Variants in MYH11 observed in about 807,000 individuals in gnomAD.
MYH11 encodes myosin-11.
A neutral mutation model predicts 246.6 loss-of-function variants in MYH11; 80 were observed. The observed-to-expected ratio is 0.32, with a 90% CI of 0.27 to 0.39. The LOEUF is 0.39. MYH11 is among the 10% of genes least tolerant of loss of function. The probability of loss-of-function intolerance (pLI) is 1.00; values close to 1 mark genes in which losing one functional copy is unlikely to be tolerated. For missense variants in MYH11, 2,158 were observed against 2,546.8 expected, an observed-to-expected ratio of 0.85 and a Z score of 3.29; for synonymous variants, 1,071 against 1,015.5, an observed-to-expected ratio of 1.05 and a Z score of -1.04.
At position 15,760,545 on chromosome 16, in the gene MYH11, C is replaced by A; in HGVS notation, c.1243G>T (p.Glu415Ter). 1 of 1,606,054 alleles carries A rather than the reference C, an allele frequency of 6.2e-7. No individual in the cohort carries two copies. The highest frequency in any genetic ancestry group is 8.5e-7 in the Non-Finnish European group (1 of 1,172,676). ...RDVVQKAQTK[E>*]QADFAVEALA... ...AGTGATAAGTACATCATTACCTGTT[C>A]TTTTGTCTGAGCTTTCTGTACCACA... Residue 415 changes from glutamate to a stop codon, truncating the protein, a stop_gained, in exon 11 of 41, where the codon GAA becomes TAA. Coordinates refer to ENST00000300036, the MANE Select transcript of MYH11 (RefSeq NM_002474.3). LOFTEE classifies it high-confidence loss of function.
At chr16:15,704,765 C>G (rs551255307) in intron 40 of MYH11, among the ~76,000 whole-genome samples, 10 of 152,272 alleles carry the variant, frequency 6.6e-5, no homozygotes, top group South Asian at 2.1e-4. Context: ...TTTTGCTGAT[C>G]GTGGAACATA....
chr16:15,813,485 T>C (rs1455139667), intron 3 of MYH11, among the ~76,000 whole-genome samples: 4 of 152,142 alleles, frequency 2.6e-5, no homozygotes, highest in Non-Finnish European at 5.9e-5. Flanking sequence ...GTCCACCTTG[T>C]AGGTTTGTGG....
intron 14 of MYH11, among the ~76,000 whole-genome samples, chr16:15,754,051 CAA>C (rs10706166): frequency 6.2e-4 from 82 of 132,752 alleles, no homozygotes; most frequent in African/African-American, 6.0e-4. Flanking sequence ...ACTAAAAATA[CAA>C]AAAAAAAAAA....
chr16:15,823,219 C>T (rs1320604986), intron 3 of MYH11, 36 bp downstream of exon 3: 4 of 1,613,188 alleles, frequency 2.5e-6, no homozygotes, highest in Non-Finnish European at 3.4e-6. Context: ...GAGGGGCTCC[C>T]TGGAGCTGGC....
Position 15,724,403 on chromosome 16 carries a change from C to T in MYH11, c.4123G>A (p.Asp1375Asn), listed in dbSNP as rs143467011. Residue 1375 changes from aspartate to asparagine, a missense_variant, in exon 31 of 41, where the codon GAC (aspartate) becomes AAC (asparagine). Around this residue, in one of 11 missense-constraint regions of MYH11, gnomAD observed 1,013 missense variants for 993.5 expected, o/e 1.02. Transcript: ENST00000300036. Reference protein sequence around the residue: ...HISTLNIQLSDSKKKLQDFAS... With the variant: ...HISTLNIQLSNSKKKLQDFAS... ...AAGTCCTGCAGCTTCTTCTTCGAGT[C>T]GGAGAGCTACAAGGACAGCGTCCAG... The T allele has an allele frequency of 1.9e-5, 30 of 1,613,670 alleles. No individual in the cohort carries two copies. The highest frequency in any genetic ancestry group is 4.5e-5 in the East Asian group (2 of 44,884).
intron 10 of MYH11, 55 bp downstream of exon 10, chr16:15,763,741 T>TGGGCCCCCCCCCCCCCCCCC: frequency 3.1e-6 from 2 of 646,862 alleles, no homozygotes; most frequent in Non-Finnish European, 5.8e-6. Flanking sequence ...AAATGTCACC[T>TGGGCCCCCCCCCCCCCCCCC]CCCCCACCCC....
chr16:15,814,421 C>T (rs762921423), intron 3 of MYH11, among the ~76,000 whole-genome samples: 7 of 151,304 alleles, frequency 4.6e-5, no homozygotes, highest in Non-Finnish European at 7.4e-5. Context: ...GGTGTGGTGG[C>T]GGATGCCTGT....
chr16:15,819,493 T>C (rs895178540), intron 3 of MYH11, among the ~76,000 whole-genome samples: 1 of 152,136 alleles, frequency 6.6e-6, no homozygotes, highest in African/African-American at 2.4e-5. Context: ...TAGACTCTTA[T>C]AGAACCACCA....
At chr16:15,737,377 C>T (rs745409502) in intron 25 of MYH11, 72 bp downstream of exon 25, 282 of 1,591,926 alleles carry the variant, frequency 1.8e-4, no homozygotes, top group Admixed American at 1.7e-4. Flanking sequence ...ACAGCCACTG[C>T]GAATGAGCGA....
chr16:15,748,505 C>T (rs1224194702), intron 16 of MYH11, among the ~76,000 whole-genome samples: 1 of 152,186 alleles, frequency 6.6e-6, no homozygotes, highest in African/African-American at 2.4e-5. Flanking sequence ...ATCTCCCAAC[C>T]CCCCCACTTC....
At chr16:15,742,238 T>G (rs1356442361) in intron 20 of MYH11, 3 of 407,994 alleles carry the variant, frequency 7.4e-6, no homozygotes, top group South Asian at 6.8e-5. Context: ...TTCCCCACTT[T>G]AGAACCATCC....
rs754951425 is a variant in MYH11, at chr16:15,724,748, G to A, written c.4015C>T (p.Arg1339Cys). ...RQKLNVSTKL[R>C]QLEEERNSLQ... The stretch of plus-strand genomic sequence containing the variant: ...CTGTTCCGCTCCTCCTCCAGCTGGC[G>A]CAGCTTCGTAGACACGTTGAGCTTC... The change falls in exon 30 of 41, where the codon CGC becomes TGC. Residue 1339 changes from arginine (R) to cysteine (C), a missense_variant. Physicochemically the swap from Arg to Cys is radical, Grantham distance 180. Around this residue, in one of 11 missense-constraint regions of MYH11, gnomAD observed 1,013 missense variants for 993.5 expected, o/e 1.02. Coordinates refer to ENST00000300036, the MANE Select transcript of MYH11 (RefSeq NM_002474.3). 5.6e-6 allele frequency: 9 copies of A among 1,614,074 alleles called. No homozygotes were observed. The highest frequency in any genetic ancestry group is 1.3e-5 in the African/African-American group (1 of 75,006).
chr16:15,727,994 C>G (rs1379386279), intron 27 of MYH11, among the ~76,000 whole-genome samples: 1 of 151,978 alleles, frequency 6.6e-6, no homozygotes, highest in African/African-American at 2.4e-5. Flanking sequence ...TTTGGGAGGC[C>G]AAGGCAGGTG....
rs1430685942 is a variant in MYH11, at chr16:15,737,537, C to G, written c.3205G>C (p.Glu1069Gln). The G allele has an allele frequency of 6.2e-7, 1 of 1,614,018 alleles. No individual in the cohort carries two copies. Among genetic ancestry groups the G allele is most frequent in the Admixed American group, 1.7e-5 (1 of 60,010 alleles). Residue 1069 changes from glutamate (E) to glutamine (Q), a missense_variant, in exon 25 of 41, where the codon GAG (glutamate) becomes CAG (glutamine). Transcript: ENST00000300036. ...TGCGCCTGGAGGTCAGCGATCTGCTCGTGGAAGTCGCTGGCATCACCCTCC... is the reference window on the plus strand; with the variant it reads ...TGCGCCTGGAGGTCAGCGATCTGCTGGTGGAAGTCGCTGGCATCACCCTCC... ...KLEGDASDFH[E>Q]QIADLQAQIA...
chr16:15,775,528 G>A (rs376863906), intron 8 of MYH11, among the ~76,000 whole-genome samples: 1 of 152,170 alleles, frequency 6.6e-6, no homozygotes, highest in South Asian at 2.1e-4. Flanking sequence ...GTATTACAAT[G>A]GCAGAGTTGA....
At chr16:15,736,667 A>G (rs992458129) in intron 25 of MYH11, among the ~76,000 whole-genome samples, 2 of 152,180 alleles carry the variant, frequency 1.3e-5, no homozygotes, top group African/African-American at 4.8e-5. Flanking sequence ...ATTGGCCGAC[A>G]AAAGAGCCAG....
intron 7 of MYH11, among the ~76,000 whole-genome samples, chr16:15,777,268 C>A (rs2042244142): frequency 6.6e-6 from 1 of 152,132 alleles, no homozygotes; most frequent in South Asian, 2.1e-4. Context: ...ACTACAGGTG[C>A]ATGCCACCAC....
chr16:15,773,080 G>A (rs368832877), intron 8 of MYH11, among the ~76,000 whole-genome samples: 8 of 144,782 alleles, frequency 5.5e-5, no homozygotes, highest in Admixed American at 1.4e-4. Flanking sequence ...AACCCTGCCC[G>A]CCCAGTCTGT....
At position 15,721,027 on chromosome 16, in the gene MYH11, G is replaced by A. The variant is rs143402648; in HGVS notation, c.4603C>T (p.Arg1535Trp). The change falls in exon 33 of 41, where the codon CGG (arginine) becomes TGG (tryptophan). Residue 1535 changes from arginine (R) to tryptophan (W), a missense_variant. Arg to Trp is a moderately radical substitution (Grantham distance 101). Transcript: ENST00000300036. The part of the protein sequence containing the change: ...KNVHELEKSK[R>W]ALETQMEEMK... ...TCCTCCATCTGGGTCTCCAGGGCCCGCTTGGACTTCTCCAGCTCATGGACC... is the reference window on the plus strand; with the variant it reads ...TCCTCCATCTGGGTCTCCAGGGCCCACTTGGACTTCTCCAGCTCATGGACC... 391 of 1,613,920 alleles carry A rather than the reference G, an allele frequency of 2.4e-4. No homozygotes were observed. Among genetic ancestry groups the A allele is most frequent in the Non-Finnish European group, 3.1e-4 (365 of 1,180,000 alleles).
Sources: allele counts gnomAD v4.1 joint callset (sites outside exome capture counted in the v4.1 genomes callset), GRCh38; gene constraint gnomAD v4.1.1; regional missense constraint gnomAD v4.1.1; transcripts MANE v1.5; gene names NCBI Gene and HGNC (gene_info 2026-07-23, HGNC 2026-07-21).